Variants in RIN3 observed in about 807,000 individuals in gnomAD.
The protein encoded by RIN3 is Ras and Rab interactor 3, also known as RAB5 interacting protein 3.
RIN3 carries 54 observed loss-of-function variants against 76.3 expected under a neutral mutation model. The observed-to-expected ratio is 0.71, with a 90% CI of 0.57 to 0.89. The LOEUF is 0.89. RIN3 is among the 40% of genes least tolerant of loss of function. The pLI, the probability that RIN3 is intolerant of heterozygous loss-of-function variation, is 0.00. For missense variants in RIN3, 1,256 were observed against 1,322.1 expected (o/e 0.95, Z 0.78); for synonymous variants, 576 against 564.0 (o/e 1.02, Z -0.30).
intron 8 of RIN3, among the ~76,000 whole-genome samples, chr14:92,683,826 C>T: frequency 6.6e-6 from 1 of 152,192 alleles, no homozygotes; most frequent in East Asian, 1.9e-4. Context: ...TTAAAATTTC[C>T]TCTCTTCTTA....
At chr14:92,527,412 T>C (rs761226988) in intron 1 of RIN3, among the ~76,000 whole-genome samples, 1 of 152,164 alleles carries the variant, frequency 6.6e-6, no homozygotes, top group Non-Finnish European at 1.5e-5. Context: ...CTTACTCCAG[T>C]AGGACCTCAT....
Position 92,652,972 on chromosome 14 carries a change from G to T in RIN3, c.1923G>T (p.Leu641=). 6.2e-7 allele frequency: 1 copy of T among 1,613,610 alleles called. No homozygotes were observed. ...MARQTSSTEM[L]QEIRTMMTQL... ...GCCAGACCTCCAGCACGGAGATGCT[G>T]CAGGAGATTCGCACCATGATGACCC... Residue 641 remains leucine, a synonymous_variant, in exon 6 of 10, where the codon CTG becomes CTT. Transcript: ENST00000216487. The surrounding 1 kb of genome is among the most constrained non-coding windows in gnomAD (Gnocchi z 6.4).
At chr14:92,529,638 A>G (rs755188648) in intron 1 of RIN3, among the ~76,000 whole-genome samples, 2 of 152,218 alleles carry the variant, frequency 1.3e-5, no homozygotes, top group Non-Finnish European at 2.9e-5. Context: ...CTGAGGTTGA[A>G]CAGGGCGACA....
chr14:92,529,243 C>A (rs1566828489), intron 1 of RIN3, among the ~76,000 whole-genome samples: 2 of 138,230 alleles, frequency 1.4e-5, no homozygotes, highest in African/African-American at 6.8e-5. Flanking sequence ...CCAGATCAAC[C>A]TTTTTTTTTC....
Position 92,654,746 on chromosome 14 carries a change from A to G in RIN3, c.2026+1671A>G, listed in dbSNP as rs952120562. On this transcript the variant is annotated intron_variant, in intron 6 of 9. Transcript: ENST00000216487. ...AGGGCCCTGTAAGCAGAGAGTCGAC[A>G]AAGAGTTATTGGGCACCCAACTCCG... Among the ~76,000 whole-genome samples the G allele has an allele frequency of 3.9e-5, 6 of 152,350 alleles. No individual in the cohort carries two copies. In the East Asian group the frequency reaches 1.2e-3, roughly 29 times the overall value.
At chr14:92,607,345 T>C (rs1885562625) in intron 3 of RIN3, among the ~76,000 whole-genome samples, 1 of 152,260 alleles carries the variant, frequency 6.6e-6, no homozygotes, top group Non-Finnish European at 1.5e-5. Context: ...AGTTTGGCAG[T>C]TCCTTTGAAA....
chr14:92,654,838 G>T (rs530841946), intron 6 of RIN3, among the ~76,000 whole-genome samples: 4 of 152,330 alleles, frequency 2.6e-5, no homozygotes, highest in African/African-American at 9.6e-5. Flanking sequence ...TGCCTGCGGG[G>T]AGCTTACGGT....
chr14:92,595,476 T>G (rs1294177191), intron 3 of RIN3, among the ~76,000 whole-genome samples: 1 of 152,034 alleles, frequency 6.6e-6, no homozygotes, highest in Non-Finnish European at 1.5e-5. Context: ...TTTGAGGGGG[T>G]TTTCCCAAAA....
At chr14:92,612,999 C>T (rs760314624) in intron 3 of RIN3, among the ~76,000 whole-genome samples, 10 of 152,200 alleles carry the variant, frequency 6.6e-5, no homozygotes, top group South Asian at 2.1e-4. Context: ...TGACTGACTT[C>T]GTCTTCAAAG....
chr14:92,574,036 C>G (rs1456447403), intron 2 of RIN3, among the ~76,000 whole-genome samples: 1 of 152,234 alleles, frequency 6.6e-6, no homozygotes, highest in Non-Finnish European at 1.5e-5. Flanking sequence ...GCACCACCCC[C>G]ACCCCTGCCA....
chr14:92,611,092 C>T lies in RIN3; in HGVS notation c.368-4315C>T, dbSNP rs117359820. On this transcript the variant is annotated intron_variant, in intron 3 of 9. Coordinates refer to ENST00000216487, the MANE Select transcript of RIN3 (RefSeq NM_024832.5). ...TCTCACAGTTCTGGAGGCCAGAAAT[C>T]GGAAATCAAGGCGTGGACAGGCTTG... Among the ~76,000 whole-genome samples, 34 of 152,300 alleles carry T rather than the reference C, an allele frequency of 2.2e-4. No individual in the cohort carries two copies. The East Asian group carries it at 5.6e-3, about 25-fold the overall frequency.
At chr14:92,621,474 A>C (rs1424904723) in intron 4 of RIN3, among the ~76,000 whole-genome samples, 1 of 152,166 alleles carries the variant, frequency 6.6e-6, no homozygotes, top group Non-Finnish European at 1.5e-5. Flanking sequence ...GACATCAGTC[A>C]AATACAATTA....
chr14:92,632,107 T>C (rs11626270), intron 4 of RIN3, among the ~76,000 whole-genome samples: 13,815 of 152,226 alleles, frequency 0.091, 895 homozygotes, highest in East Asian at 0.28. Context: ...AACCTCAGTC[T>C]GGTCCTGTCG....
At chr14:92,521,239 A>G (rs1468954882) in intron 1 of RIN3, among the ~76,000 whole-genome samples, 4 of 151,466 alleles carry the variant, frequency 2.6e-5, no homozygotes, top group Admixed American at 6.6e-5. Context: ...CCATCCATTT[A>G]TCTATCCATC....
At chr14:92,672,659 C>CGT (rs1566898737) in intron 7 of RIN3, among the ~76,000 whole-genome samples, 3 of 105,002 alleles carry the variant, frequency 2.9e-5, no homozygotes, top group Non-Finnish European at 4.3e-5. Flanking sequence ...TATGTGTGTG[C>CGT]ATGTGTGTGT....
At chr14:92,543,416 C>T (rs1337875248) in intron 1 of RIN3, among the ~76,000 whole-genome samples, 1 of 152,090 alleles carries the variant, frequency 6.6e-6, no homozygotes, top group Non-Finnish European at 1.5e-5. Context: ...TAAAGGTCTT[C>T]AAACAGATAC....
chr14:92,622,825 G>C (rs984749860), intron 4 of RIN3, among the ~76,000 whole-genome samples: 1 of 152,288 alleles, frequency 6.6e-6, no homozygotes, highest in South Asian at 2.1e-4. Flanking sequence ...AAAGAACCAG[G>C]CACAGAAACT....
intron 1 of RIN3, among the ~76,000 whole-genome samples, chr14:92,545,106 G>GTTTTTTTTTTTTT (rs540126016): frequency 1.2e-5 from 1 of 82,160 alleles, no homozygotes; most frequent in Non-Finnish European, 2.2e-5. Context: ...ACTTTCTGGT[G>GTTTTTTTTTTTTT]TTTTTTTTTT....
chr14:92,610,325 CT>C (rs981224261), intron 3 of RIN3, among the ~76,000 whole-genome samples: 1 of 152,166 alleles, frequency 6.6e-6, no homozygotes, highest in Non-Finnish European at 1.5e-5. Flanking sequence ...TAGCATCCCC[CT>C]ATCTCCCCCT....
Sources: allele counts gnomAD v4.1 joint callset (sites outside exome capture counted in the v4.1 genomes callset), GRCh38; gene constraint gnomAD v4.1.1; non-coding constraint Gnocchi (gnomAD v3.1); transcripts MANE v1.5; gene names NCBI Gene and HGNC (gene_info 2026-07-23, HGNC 2026-07-21).